The following ABHD4 variants were observed in gnomAD, a reference collection of about 807,000 sequenced individuals.
ABHD4 encodes the protein (Lyso)-N-acylphosphatidylethanolamine lipase.
Under a neutral mutation model 42.3 loss-of-function variants are expected in ABHD4, and 35 were observed. The ratio of observed to expected loss-of-function variants is 0.83; its 90% confidence interval spans 0.63 to 1.10. The LOEUF is 1.10. Ranked by LOEUF, ABHD4 falls within the 50% of genes least tolerant of loss-of-function variation. The pLI, the probability that ABHD4 is intolerant of heterozygous loss-of-function variation, is 0.00. For missense variants in ABHD4, 389 were observed against 454.8 expected (o/e 0.86, Z 1.32); for synonymous variants, 169 against 170.6 (o/e 0.99, Z 0.07).
At position 22,609,731 on chromosome 14, in the gene ABHD4, A is replaced by T. The variant is rs1244217000; in HGVS notation, c.760A>T (p.Thr254Ser). 1 of 1,613,744 alleles carries T rather than the reference A, an allele frequency of 6.2e-7. No individual in the cohort carries two copies. The highest frequency in any genetic ancestry group is 8.5e-7 in the Non-Finnish European group (1 of 1,179,900). ...CTGTTTTGCTTTTGACAGTGGTGAG[A>T]CAGCATTCAAAGCCATGATGGAGTC... is the stretch of plus-strand genomic sequence containing the variant. Reference protein sequence around the residue: ...HCNAQNPSGETAFKAMMESFG... With the variant: ...HCNAQNPSGESAFKAMMESFG... The change falls in exon 6 of 7, where the codon ACA becomes TCA. Residue 254 changes from threonine to serine, a missense_variant. By Grantham distance (58) the Thr-to-Ser change is moderately conservative. This residue lies in a region of ABHD4 where 249 missense variants were observed against 254.4 expected (regional missense o/e 0.98). Coordinates refer to ENST00000428304, the MANE Select transcript of ABHD4 (RefSeq NM_022060.3).
Position 22,611,064 on chromosome 14 carries a change from C to T in ABHD4, c.*116C>T. Reference sequence around the variant, plus strand: ...CTAACATGTGCCAGCCAGGCAGAGTCTTGTGCTGTTCCCAGAACAGGACGA... The same window carrying T: ...CTAACATGTGCCAGCCAGGCAGAGTTTTGTGCTGTTCCCAGAACAGGACGA... On this transcript the variant is annotated 3_prime_UTR_variant, in exon 7 of 7. Transcript: ENST00000428304. The T allele has an allele frequency of 2.3e-6, 2 of 883,372 alleles. No homozygotes were observed. Among genetic ancestry groups the T allele is most frequent in the East Asian group, 5.2e-5 (2 of 38,128 alleles). The allele number at this position is 883,372 out of a possible 1,614,324, so 54.7% of individuals were successfully genotyped here. A position where few individuals can be genotyped will look rare whatever the true frequency, so the allele number is the denominator to read the frequency against.
At chr14:22,600,728 T>C (rs974913581) in intron 1 of ABHD4, among the ~76,000 whole-genome samples, 1 of 152,150 alleles carries the variant, frequency 6.6e-6, no homozygotes, top group Non-Finnish European at 1.5e-5. Flanking sequence ...CTGGGCATCT[T>C]ACAAGTGTCC....
chr14:22,598,427 G>T, intron 1 of ABHD4, 98 bp downstream of exon 1: 1 of 1,546,812 alleles, frequency 6.5e-7, no homozygotes. Flanking sequence ...ACACCTTCCC[G>T]CTCTTCCTTT....
chr14:22,609,076 C>CT (rs1478425247), intron 5 of ABHD4, among the ~76,000 whole-genome samples: 2 of 152,066 alleles, frequency 1.3e-5, no homozygotes, highest in Non-Finnish European at 2.9e-5. Context: ...TGGCTCACTG[C>CT]AACCTCTGTC....
intron 1 of ABHD4, among the ~76,000 whole-genome samples, chr14:22,600,439 A>G (rs1373882353): frequency 6.6e-6 from 1 of 152,208 alleles, no homozygotes; most frequent in East Asian, 1.9e-4. Flanking sequence ...TGTAAAATAC[A>G]GAGGCTAGAC....
In ABHD4 at chr14:22,604,260, T is replaced by G. The variant is rs1193652480; in HGVS notation, c.640+181T>G. ...GGTTTTTTGTTTTTTTGTTTTGTTTTGTTTTTTTGAGACAAAGTCTCGCTC... is the reference window on the plus strand; with the variant it reads ...GGTTTTTTGTTTTTTTGTTTTGTTTGGTTTTTTTGAGACAAAGTCTCGCTC... On this transcript the variant is annotated intron_variant, in intron 4 of 6. Transcript: ENST00000428304. 6 of 757,066 alleles carry G rather than the reference T, an allele frequency of 7.9e-6. No individual in the cohort carries two copies. In the African/African-American group the frequency reaches 1.1e-4, roughly 13 times the overall value. The allele number at this position is 757,066 out of a possible 1,614,324, so 46.9% of individuals were successfully genotyped here. A position where few individuals can be genotyped will look rare whatever the true frequency, so the allele number is the denominator to read the frequency against.
At chr14:22,602,037 C>T (rs771355328) in intron 2 of ABHD4, among the ~76,000 whole-genome samples, 5 of 152,166 alleles carry the variant, frequency 3.3e-5, no homozygotes, top group East Asian at 1.9e-4. Flanking sequence ...CACACAAACA[C>T]GTACATTCTC....
chr14:22,598,550 C>G, intron 1 of ABHD4: 1 of 1,354,142 alleles, frequency 7.4e-7, no homozygotes, highest in East Asian at 2.5e-5. Context: ...TCGCCCGCAG[C>G]CCGGGGATCC....
chr14:22,606,488 A>G lies in ABHD4; in HGVS notation c.707A>G (p.Asp236Gly). The G allele has an allele frequency of 6.2e-7, 1 of 1,613,640 alleles. No homozygotes were observed. The highest frequency in any genetic ancestry group is 8.5e-7 in the Non-Finnish European group (1 of 1,179,834). The change falls in exon 5 of 7, where the codon GAT becomes GGT. Residue 236 changes from aspartate to glycine, a missense_variant. Coordinates refer to ENST00000428304, the MANE Select transcript of ABHD4 (RefSeq NM_022060.3). ...KRKFADFFED[D>G]TISEYIYHCN... Reference sequence around the variant, plus strand: ...AAGTTTGCAGACTTCTTTGAAGATGATACCATATCAGAGTATATTTACCAC... The same window carrying G: ...AAGTTTGCAGACTTCTTTGAAGATGGTACCATATCAGAGTATATTTACCAC...
At chr14:22,609,560 C>T (rs971802513) in intron 5 of ABHD4, 164 bp from the exon 6 acceptor site, 6 of 648,632 alleles carry the variant, frequency 9.3e-6, no homozygotes, top group Middle Eastern at 4.3e-4. Context: ...TGATGGGAGG[C>T]CTCTGGAATT....
rs1429207336 is a variant in ABHD4 at position 22,598,326 on chromosome 14, A to C, written c.20A>C (p.Gln7Pro). 22 of 1,551,638 alleles carry C rather than the reference A, an allele frequency of 1.4e-5. No homozygotes were observed. In the Admixed American group the frequency reaches 3.3e-4, roughly 24 times the overall value. ...TTTACTATGGCCGATGATCTGGAGCAGCAGTGAGTTAATCCTGTCCCTTTC... is the reference window on the plus strand; with the variant it reads ...TTTACTATGGCCGATGATCTGGAGCCGCAGTGAGTTAATCCTGTCCCTTTC... MADDLE[Q>P]QSQGWLSSWL... is the part of the protein sequence containing the mutation. The change falls in exon 1 of 7, where the codon CAG becomes CCG. Residue 7 changes from glutamine to proline, a missense_variant. Transcript: ENST00000428304.
chr14:22,604,972 T>C (rs2037332641), intron 4 of ABHD4, among the ~76,000 whole-genome samples: 1 of 152,206 alleles, frequency 6.6e-6, no homozygotes, highest in Admixed American at 6.5e-5. Context: ...ATCCCATCCC[T>C]GTGGTTCACC....
chr14:22,602,360 C>A (rs1278107520), intron 2 of ABHD4, among the ~76,000 whole-genome samples: 1 of 152,212 alleles, frequency 6.6e-6, no homozygotes, highest in Admixed American at 6.5e-5. Context: ...CTTCACCACA[C>A]CCCTACTGCC....
In ABHD4 at chr14:22,611,060, G is replaced by C; in HGVS notation, c.*112G>C. The C allele has an allele frequency of 1.1e-6, 1 of 922,706 alleles. No individual in the cohort carries two copies. Among genetic ancestry groups the C allele is most frequent in the Non-Finnish European group, 1.7e-6 (1 of 583,738 alleles). 57.2% of individuals were successfully genotyped at this position (922,706 alleles called of 1,614,324 possible). ...CCAACTAACATGTGCCAGCCAGGCA[G>C]AGTCTTGTGCTGTTCCCAGAACAGG... On this transcript the variant is annotated 3_prime_UTR_variant, in exon 7 of 7. Coordinates refer to ENST00000428304, the MANE Select transcript of ABHD4 (RefSeq NM_022060.3).
chr14:22,607,530 G>A (rs1000362752), intron 5 of ABHD4, among the ~76,000 whole-genome samples: 1 of 152,322 alleles, frequency 6.6e-6, no homozygotes, highest in Non-Finnish European at 1.5e-5. Flanking sequence ...CTGTTGGGCA[G>A]TGTGTGAGCT....
intron 4 of ABHD4, 57 bp downstream of exon 4, chr14:22,604,136 A>C: frequency 6.3e-7 from 1 of 1,582,176 alleles, no homozygotes; most frequent in Non-Finnish European, 8.7e-7. Context: ...GAAGGCCCAC[A>C]GTGTCTTTCC....
At chr14:22,600,948 G>A (rs970348) in intron 1 of ABHD4, among the ~76,000 whole-genome samples, 107,160 of 151,696 alleles carry the variant, frequency 0.71, 39,536 homozygotes, top group African/African-American at 0.93. Flanking sequence ...AGGAGAAAAC[G>A]GGATGAGTTA....
rs778138210 is a variant in ABHD4, at chr14:22,603,922, T to C, written c.486-3T>C. On this transcript the variant is annotated splice_region_variant and splice_polypyrimidine_tract_variant and intron_variant, in intron 3 of 6. Coordinates refer to ENST00000428304, the MANE Select transcript of ABHD4 (RefSeq NM_022060.3). ...TCTTCTCCTCTTTCCGCCTTTAACA[T>C]AGAGTTAAACACCTCATCCTGGTGG... is the stretch of plus-strand genomic sequence containing the variant. 6 of 1,613,778 alleles carry C rather than the reference T, an allele frequency of 3.7e-6. No individual in the cohort carries two copies. In the African/African-American group the frequency reaches 4.0e-5, roughly 11 times the overall value.
chr14:22,599,025 G>A (rs1249416690), intron 1 of ABHD4: 1 of 152,402 alleles, frequency 6.6e-6, no homozygotes, highest in Non-Finnish European at 1.5e-5. Flanking sequence ...AATCTGATAG[G>A]AGTAAGAAAA....
Sources: gnomAD v4.1 joint callset for allele counts (sites outside exome capture counted in the v4.1 genomes callset) on GRCh38, gnomAD v4.1.1 for gene constraint, gnomAD v4.1.1 regional missense constraint, MANE v1.5 for transcripts, NCBI Gene and HGNC (gene_info 2026-07-23, HGNC 2026-07-21) for gene names.